FAM135B: variants seen among roughly 807,000 people sequenced by gnomAD.
The protein encoded by FAM135B is protein FAM135B.
FAM135B carries 43 observed loss-of-function variants against 127.7 expected under a neutral mutation model. The observed-to-expected ratio is 0.34, with a 90% confidence interval of 0.26 to 0.43. FAM135B has a LOEUF of 0.43. Among genes scored for constraint, FAM135B ranks in the 20% least tolerant of loss-of-function variants. The pLI is 1.00. For synonymous variants in FAM135B, 670 were observed against 665.1 expected (o/e 1.01, Z -0.11); for missense variants, 1,558 against 1,725.6 (o/e 0.90, Z 1.72).
chr8:138,411,123 G>T (rs1287020097), intron 1 of FAM135B, among the ~76,000 whole-genome samples: 1 of 147,462 alleles, frequency 6.8e-6, no homozygotes, highest in Non-Finnish European at 1.5e-5. Flanking sequence ...TTTCTTCACA[G>T]AATTGGAAAA....
chr8:138,324,802 G>A (rs55745752), intron 2 of FAM135B, among the ~76,000 whole-genome samples: 8 of 152,278 alleles, frequency 5.3e-5, no homozygotes, highest in Non-Finnish European at 7.4e-5. Context: ...GTGTGTGCTC[G>A]TAACGACTAT....
intron 14 of FAM135B, among the ~76,000 whole-genome samples, chr8:138,147,655 G>A (rs1042539191): frequency 5.3e-5 from 8 of 152,124 alleles, no homozygotes; most frequent in African/African-American, 1.7e-4. Flanking sequence ...GCTTGGTATC[G>A]GTTGTGGTTT....
At chr8:138,375,007 CAACAACA>C (rs1831373697) in intron 1 of FAM135B, among the ~76,000 whole-genome samples, 1 of 151,678 alleles carries the variant, frequency 6.6e-6, no homozygotes, top group African/African-American at 2.4e-5. Flanking sequence ...ACAACAACAA[CAACAACA>C]ACCCCAGATT....
In FAM135B at chr8:138,131,454, G is replaced by T. The variant is rs1378325267; in HGVS notation, c.*1139C>A. 2 of 152,594 alleles carry T rather than the reference G, an allele frequency of 1.3e-5. No individual in the cohort carries two copies. The highest frequency in any genetic ancestry group is 2.9e-5 in the Non-Finnish European group (2 of 68,036). 9.5% of individuals were successfully genotyped at this position (152,594 alleles called of 1,614,324 possible). On this transcript the variant is annotated 3_prime_UTR_variant, in exon 20 of 20. Transcript: ENST00000395297. ...CTTATGTTGAGTCTTCAGTCTGGTT[G>T]TTCTCCTCCTATCTGATCTCACTTT...
chr8:138,326,090 G>T (rs992829142), intron 2 of FAM135B, among the ~76,000 whole-genome samples: 25 of 152,112 alleles, frequency 1.6e-4, no homozygotes, highest in African/African-American at 5.8e-4. Context: ...CTGAGCTGCT[G>T]GGAAACTGAA....
chr8:138,489,166 T>C (rs1451088099), intron 1 of FAM135B, among the ~76,000 whole-genome samples: 2 of 152,216 alleles, frequency 1.3e-5, no homozygotes, highest in African/African-American at 4.8e-5. Flanking sequence ...CTAAAATGTA[T>C]GTGGATGTCA....
At chr8:138,483,151 A>G (rs895163361) in intron 1 of FAM135B, among the ~76,000 whole-genome samples, 4 of 152,210 alleles carry the variant, frequency 2.6e-5, no homozygotes, top group African/African-American at 9.6e-5. Flanking sequence ...TAAAGTGCAA[A>G]AGTTAACATT....
intron 1 of FAM135B, among the ~76,000 whole-genome samples, chr8:138,382,468 G>A (rs922070418): frequency 2.6e-5 from 4 of 152,112 alleles, no homozygotes; most frequent in Non-Finnish European, 5.9e-5. Flanking sequence ...GGTTTGGGGT[G>A]AGTAAACCAC....
At chr8:138,182,252 T>C (rs184675880) in intron 9 of FAM135B, among the ~76,000 whole-genome samples, 235 of 152,388 alleles carry the variant, frequency 1.5e-3, no homozygotes, top group African/African-American at 5.3e-3. Context: ...AAGAAGCTTC[T>C]AATTAAGCCA....
At chr8:138,371,943 T>C (rs907332310) in intron 1 of FAM135B, among the ~76,000 whole-genome samples, 1 of 152,184 alleles carries the variant, frequency 6.6e-6, no homozygotes, top group African/African-American at 2.4e-5. Flanking sequence ...AAGCACATGA[T>C]GCTTACGAGC....
chr8:138,152,907 G>C lies in FAM135B; in HGVS notation c.1568C>G (p.Thr523Arg). The change falls in exon 13 of 20, where the codon ACA (threonine) becomes AGA (arginine). Residue 523 changes from threonine (T) to arginine (R), a missense_variant. Thr to Arg is a moderately conservative substitution (Grantham distance 71). Around this residue, in one of 5 missense-constraint regions of FAM135B, gnomAD observed 923 missense variants for 865.3 expected, o/e 1.07. Transcript: ENST00000395297. ...VPEDECWTGQ[T>R]SDAGTYPVAD... ...CACTGGATATGTCCCAGCATCAGATGTTTGGCCAGTCCAACATTCATCTTC... is the reference window on the plus strand; with the variant it reads ...CACTGGATATGTCCCAGCATCAGATCTTTGGCCAGTCCAACATTCATCTTC... 1 of 1,614,212 alleles carries C rather than the reference G, an allele frequency of 6.2e-7. No individual in the cohort carries two copies. Among genetic ancestry groups the C allele is most frequent in the Non-Finnish European group, 8.5e-7 (1 of 1,180,040 alleles).
intron 2 of FAM135B, among the ~76,000 whole-genome samples, chr8:138,350,612 A>G (rs1436885521): frequency 2.0e-5 from 3 of 152,212 alleles, no homozygotes; most frequent in Non-Finnish European, 4.4e-5. Flanking sequence ...CTAATGTTCC[A>G]TTGAATACAC....
chr8:138,303,792 T>C (rs564134433), intron 3 of FAM135B, among the ~76,000 whole-genome samples: 20 of 152,234 alleles, frequency 1.3e-4, no homozygotes, highest in African/African-American at 4.8e-4. Context: ...AGGAAATCTA[T>C]CGAGTACCCA....
At chr8:138,406,439 G>T (rs544577906) in intron 1 of FAM135B, among the ~76,000 whole-genome samples, 26 of 151,366 alleles carry the variant, frequency 1.7e-4, no homozygotes, top group African/African-American at 4.1e-4. Flanking sequence ...TACCAAAGCC[G>T]GGCAGAGACA....
At chr8:138,371,939 A>G (rs761486066) in intron 1 of FAM135B, among the ~76,000 whole-genome samples, 18 of 152,200 alleles carry the variant, frequency 1.2e-4, no homozygotes, top group Non-Finnish European at 2.2e-4. Context: ...TCTAAAGCAC[A>G]TGATGCTTAC....
chr8:138,293,814 A>G (rs537582617), intron 3 of FAM135B, among the ~76,000 whole-genome samples: 72 of 152,324 alleles, frequency 4.7e-4, no homozygotes, highest in Non-Finnish European at 2.9e-4. Flanking sequence ...AAATTAGTAC[A>G]AACTCTATGG....
At chr8:138,469,453 AG>A (rs1837559900) in intron 1 of FAM135B, among the ~76,000 whole-genome samples, 1 of 152,168 alleles carries the variant, frequency 6.6e-6, no homozygotes, top group Non-Finnish European at 1.5e-5. Flanking sequence ...ATGCTGATTG[AG>A]GACCCTGAGA....
At position 138,242,165 on chromosome 8, in the gene FAM135B, T is replaced by TTGTGTC. The variant is rs1820845755; in HGVS notation, c.669+776_669+777insGACACA. The stretch of plus-strand genomic sequence containing the variant: ...AGTCAATTACTTATGATAAATCTCT[T>TTGTGTC]TGTGTGTGTGTGTGTGTGTGTGTGT... On this transcript the variant is annotated intron_variant, in intron 7 of 19. Coordinates refer to ENST00000395297, the MANE Select transcript of FAM135B (RefSeq NM_015912.4). The surrounding 1 kb of genome is among the most constrained non-coding windows in gnomAD (Gnocchi z 9.6). 7.7e-6 allele frequency among the ~76,000 whole-genome samples: 1 copy of TTGTGTC among 129,994 alleles called. No homozygotes were observed. Among genetic ancestry groups the TTGTGTC allele is most frequent in the Non-Finnish European group, 1.6e-5 (1 of 62,462 alleles). 85.3% of individuals were successfully genotyped at this position (129,994 alleles called of 152,430 possible).
At chr8:138,405,200 AT>A (rs1390994424) in intron 1 of FAM135B, among the ~76,000 whole-genome samples, 7 of 149,236 alleles carry the variant, frequency 4.7e-5, no homozygotes, top group African/African-American at 1.8e-4. Flanking sequence ...GAGTAGTAAT[AT>A]TCTTTTTTTT....
Sources: gnomAD v4.1 joint callset for allele counts (sites outside exome capture counted in the v4.1 genomes callset) on GRCh38, gnomAD v4.1.1 for gene constraint, gnomAD v4.1.1 regional missense constraint, Gnocchi (gnomAD v3.1) non-coding constraint, MANE v1.5 for transcripts, NCBI Gene and HGNC (gene_info 2026-07-23, HGNC 2026-07-21) for gene names.